The following CAMSAP1 variants were observed in gnomAD, a reference collection of about 807,000 sequenced individuals.
The protein encoded by CAMSAP1 is calmodulin regulated spectrin associated protein 1, also known as calmodulin-regulated spectrin-associated protein 1.
A neutral mutation model predicts 143.5 loss-of-function variants in CAMSAP1; 58 were observed. The ratio of observed to expected loss-of-function variants is 0.40; its 90% CI spans 0.33 to 0.50. The LOEUF is 0.50. Among genes scored for constraint, CAMSAP1 ranks in the 20% least tolerant of loss-of-function variants. CAMSAP1 has a pLI of 0.45. For missense variants in CAMSAP1, 1,969 were observed against 2,115.7 expected (o/e 0.93, Z 1.36); for synonymous variants, 945 against 859.3 (o/e 1.10, Z -1.74).
Position 135,881,684 on chromosome 9 carries a change from C to G in CAMSAP1, c.534G>C (p.Ser178=), listed in dbSNP as rs936708983. The change falls in exon 3 of 17, where the codon TCG becomes TCC. Residue 178 remains serine (S), a synonymous_variant. Coordinates refer to ENST00000389532, the MANE Select transcript of CAMSAP1 (RefSeq NM_015447.4). ...CCTCGAGGTCGTACGGAAGTTCTTT[C>G]GAGGCACTGAACGTTGAGAAGCGCT... ...SVKRFSTFSA[S]KELPYDLEDA... 7.7e-6 allele frequency: 12 copies of G among 1,551,666 alleles called. No homozygotes were observed. Among genetic ancestry groups the G allele is most frequent in the Non-Finnish European group, 1.0e-5 (12 of 1,147,018 alleles).
chr9:135,876,299 C>A (rs12342137), intron 3 of CAMSAP1, among the ~76,000 whole-genome samples: 1 of 152,072 alleles, frequency 6.6e-6, no homozygotes, highest in Admixed American at 6.5e-5. Context: ...AAAAGGTGGC[C>A]GGCCTGGGAG....
In CAMSAP1 at chr9:135,815,169, A is replaced by T; in HGVS notation, c.4434T>A (p.Ile1478=). ...AGCAATGGGATATGGCATTGTGAATAATCGGCTTGTTTGATTTACTACTGG... is the reference window on the plus strand; with the variant it reads ...AGCAATGGGATATGGCATTGTGAATTATCGGCTTGTTTGATTTACTACTGG... The part of the protein sequence containing the change: ...KEPSSKSNKP[I]IHNAISHCCL... Residue 1478 remains isoleucine (I), a synonymous_variant, in exon 16 of 17, where the codon ATT becomes ATA. Transcript: ENST00000389532. 3 of 1,613,936 alleles carry T rather than the reference A, an allele frequency of 1.9e-6. No homozygotes were observed. Among genetic ancestry groups the T allele is most frequent in the Non-Finnish European group, 2.5e-6 (3 of 1,179,868 alleles).
chr9:135,825,603 G>C (rs1018920875), intron 8 of CAMSAP1, among the ~76,000 whole-genome samples: 1 of 152,238 alleles, frequency 6.6e-6, no homozygotes, highest in Non-Finnish European at 1.5e-5. Flanking sequence ...AGTTCTGACA[G>C]AGCAACACCC....
chr9:135,833,837 G>A (rs1403201932), intron 7 of CAMSAP1, among the ~76,000 whole-genome samples: 1 of 152,146 alleles, frequency 6.6e-6, no homozygotes, highest in South Asian at 2.1e-4. Flanking sequence ...AATGAAAAAG[G>A]TTCTGCAAAG....
intron 7 of CAMSAP1, among the ~76,000 whole-genome samples, chr9:135,846,847 CAGTT>C (rs1836574503): frequency 6.6e-6 from 1 of 152,060 alleles, no homozygotes; most frequent in South Asian, 2.1e-4. Context: ...CATCTCATGA[CAGTT>C]AGAATGGCGA....
chr9:135,901,750 C>T (rs1380010413), intron 1 of CAMSAP1, among the ~76,000 whole-genome samples: 1 of 152,214 alleles, frequency 6.6e-6, no homozygotes, highest in Non-Finnish European at 1.5e-5. Flanking sequence ...GCTCTCTCGG[C>T]ACGACATCCC....
intron 3 of CAMSAP1, among the ~76,000 whole-genome samples, chr9:135,873,934 C>T (rs1315250363): frequency 6.6e-6 from 1 of 152,018 alleles, no homozygotes; most frequent in African/African-American, 2.4e-5. Flanking sequence ...AACTAGAGAC[C>T]AGTATCTGCC....
In CAMSAP1 at chr9:135,815,949, T is replaced by C. The variant is rs1835214685; in HGVS notation, c.4328A>G (p.Asp1443Gly). The C allele has an allele frequency of 6.2e-7, 1 of 1,613,894 alleles. No homozygotes were observed. The highest frequency in any genetic ancestry group is 2.2e-5 in the East Asian group (1 of 44,880). ...CGCCGACGCGGTCTCCCAGTCTCGG[T>C]CTGTGCTCCTGCTTGGGTTACGGCT... ...ILSRNPSRST[D>G]RDWETASAAS... Residue 1443 changes from aspartate to glycine, a missense_variant, in exon 15 of 17, where the codon GAC becomes GGC. By Grantham distance (94) the Asp-to-Gly change is moderately conservative. Around this residue, in one of 4 missense-constraint regions of CAMSAP1, gnomAD observed 1,390 missense variants for 1,420.8 expected, o/e 0.98. Transcript: ENST00000389532.
intron 3 of CAMSAP1, among the ~76,000 whole-genome samples, chr9:135,869,490 G>A (rs1441815004): frequency 1.5e-4 from 23 of 148,806 alleles, no homozygotes; most frequent in African/African-American, 4.5e-4. Context: ...GCAAAAGGGC[G>A]AGACTCAGTC....
intron 5 of CAMSAP1, among the ~76,000 whole-genome samples, chr9:135,862,001 G>C (rs1189191442): frequency 2.6e-5 from 4 of 152,180 alleles, no homozygotes; most frequent in Non-Finnish European, 4.4e-5. Flanking sequence ...ATTCAATTTT[G>C]CATTAATTTT....
In CAMSAP1 at chr9:135,824,780, C is replaced by A. The variant is rs1159586163; in HGVS notation, c.1315+9G>T. The A allele has an allele frequency of 6.5e-6, 10 of 1,536,906 alleles. No individual in the cohort carries two copies. Among genetic ancestry groups the A allele is most frequent in the Non-Finnish European group, 7.0e-6 (8 of 1,141,198 alleles). ...AATTAAGGAAAAAAGGAGGAAACAA[C>A]ATTCTTACCAGGGATGTCCTCTCCC... On this transcript the variant is annotated intron_variant, in intron 9 of 16. Transcript: ENST00000389532. The surrounding 1 kb of genome is among the most constrained non-coding windows in gnomAD (Gnocchi z 4.1).
chr9:135,811,352 G>C lies in CAMSAP1; in HGVS notation c.4766C>G (p.Pro1589Arg), dbSNP rs1343166673. The C allele has an allele frequency of 6.2e-7, 1 of 1,613,082 alleles. No homozygotes were observed. The highest frequency in any genetic ancestry group is 2.2e-5 in the East Asian group (1 of 44,868). ...CTTCTTTGGCACTGCAGGCCGCTTG[G>C]GCTGCCACAGGTGGTTGTGGATTGT... ...ALTIHNHLWQ[P>R]KRPAVPKKAQ... The change falls in exon 17 of 17, where the codon CCC (proline) becomes CGC (arginine). Residue 1589 changes from proline (P) to arginine (R), a missense_variant. This residue lies in a region of CAMSAP1 where 143 missense variants were observed against 200.6 expected (regional missense o/e 0.71). Coordinates refer to ENST00000389532, the MANE Select transcript of CAMSAP1 (RefSeq NM_015447.4). The surrounding 1 kb of genome is among the most constrained non-coding windows in gnomAD (Gnocchi z 4.9).
rs1198616983 is a variant in CAMSAP1, at chr9:135,822,925, T to A, written c.1736A>T (p.Gln579Leu). Residue 579 changes from glutamine to leucine, a missense_variant, in exon 11 of 17, where the codon CAG becomes CTG. By Grantham distance (113) the Gln-to-Leu change is moderately radical. Around this residue, in one of 4 missense-constraint regions of CAMSAP1, gnomAD observed 1,390 missense variants for 1,420.8 expected, o/e 0.98. Transcript: ENST00000389532. The surrounding 1 kb of genome is among the most constrained non-coding windows in gnomAD (Gnocchi z 6.1). Reference sequence around the variant, plus strand: ...AGGCTTACTTTCCGAGGTGTCCAGCTGTCCTTGGGGAGACCGGGCATTTGC... The same window carrying A: ...AGGCTTACTTTCCGAGGTGTCCAGCAGTCCTTGGGGAGACCGGGCATTTGC... ...LTANARSPQG[Q>L]LDTSESKPDS... is the part of the protein sequence containing the mutation. 4 of 1,613,956 alleles carry A rather than the reference T, an allele frequency of 2.5e-6. No individual in the cohort carries two copies. The highest frequency in any genetic ancestry group is 3.4e-6 in the Non-Finnish European group (4 of 1,179,884).
chr9:135,891,304 C>G (rs1838283150), intron 1 of CAMSAP1, among the ~76,000 whole-genome samples: 2 of 152,216 alleles, frequency 1.3e-5, no homozygotes, highest in South Asian at 4.1e-4. Context: ...GAAAGCCCAT[C>G]TTTCTAGGCA....
In CAMSAP1 at chr9:135,869,416, T is replaced by C. The variant is rs1047023349; in HGVS notation, c.586-2880A>G. ...TACTTGAGAGGCTGAGGCAGGAGAA[T>C]CACTTGAACCCAGGAGGCAGAGGTT... On this transcript the variant is annotated intron_variant, in intron 3 of 16. Coordinates refer to ENST00000389532, the MANE Select transcript of CAMSAP1 (RefSeq NM_015447.4). 2.7e-5 allele frequency among the ~76,000 whole-genome samples: 4 copies of C among 150,530 alleles called. No individual in the cohort carries two copies. In the South Asian group the frequency reaches 6.3e-4, roughly 24 times the overall value.
intron 3 of CAMSAP1, among the ~76,000 whole-genome samples, chr9:135,875,211 A>ATTT (rs56899993): frequency 4.2e-4 from 62 of 147,056 alleles, no homozygotes; most frequent in African/African-American, 1.4e-3. Context: ...AGTGAAAACA[A>ATTT]TTTTTTTTTT....
chr9:135,853,128 T>C (rs927045413), intron 5 of CAMSAP1, among the ~76,000 whole-genome samples: 20 of 152,132 alleles, frequency 1.3e-4, no homozygotes, highest in Admixed American at 1.3e-3. Context: ...GAGTCACCAA[T>C]ACGGAGATGT....
At chr9:135,866,610 G>A in intron 3 of CAMSAP1, 74 bp from the exon 4 acceptor site, 1 of 747,972 alleles carries the variant, frequency 1.3e-6, no homozygotes, top group East Asian at 2.7e-5. Flanking sequence ...TTATCCCCCA[G>A]AGACCCCCAC....
intron 1 of CAMSAP1, among the ~76,000 whole-genome samples, chr9:135,903,907 C>T (rs1285258713): frequency 6.6e-6 from 1 of 152,230 alleles, no homozygotes. Flanking sequence ...CCTCCCCACT[C>T]AGTCTCTTAC....
Sources: gnomAD v4.1 joint callset for allele counts (sites outside exome capture counted in the v4.1 genomes callset) on GRCh38, gnomAD v4.1.1 for gene constraint, gnomAD v4.1.1 regional missense constraint, Gnocchi (gnomAD v3.1) non-coding constraint, MANE v1.5 for transcripts, NCBI Gene and HGNC (gene_info 2026-07-23, HGNC 2026-07-21) for gene names.